Variants in THSD7B observed in about 807,000 individuals in gnomAD.
The protein encoded by THSD7B is thrombospondin type-1 domain-containing protein 7B.
THSD7B carries 138 observed loss-of-function variants against 213.6 expected under a neutral mutation model. The ratio of observed to expected loss-of-function variants is 0.65; its 90% CI spans 0.56 to 0.74. The LOEUF is 0.74. THSD7B is among the 30% of genes least tolerant of loss of function. The probability of loss-of-function intolerance (pLI) is 0.00; values close to 1 mark genes in which losing one functional copy is unlikely to be tolerated. For synonymous variants in THSD7B, 742 were observed against 687.0 expected, an observed-to-expected ratio of 1.08 and a Z score of -1.25; for missense variants, 1,931 against 1,991.5, an observed-to-expected ratio of 0.97 and a Z score of 0.58.
At chr2:136,974,933 C>A (rs532373833) in intron 2 of THSD7B, among the ~76,000 whole-genome samples, 47 of 152,126 alleles carry the variant, frequency 3.1e-4, no homozygotes, top group African/African-American at 1.1e-3. Context: ...TTTTGATTTA[C>A]ATTTCTCTAA....
At chr2:137,535,872 G>C (rs564917690) in intron 15 of THSD7B, among the ~76,000 whole-genome samples, 1 of 151,518 alleles carries the variant, frequency 6.6e-6, no homozygotes, top group Admixed American at 6.6e-5. Flanking sequence ...TATTATCAGT[G>C]GGGGGAACAG....
intron 12 of THSD7B, among the ~76,000 whole-genome samples, chr2:137,314,287 A>G (rs889447594): frequency 1.3e-5 from 2 of 152,112 alleles, no homozygotes; most frequent in Non-Finnish European, 2.9e-5. Context: ...CCTGTCTTCC[A>G]GTTGATCACA....
chr2:136,800,863 T>C (rs1390553696), intron 1 of THSD7B, among the ~76,000 whole-genome samples: 1 of 152,042 alleles, frequency 6.6e-6, no homozygotes, highest in African/African-American at 2.4e-5. Flanking sequence ...AGCACTTTTG[T>C]AGATCTTAGA....
chr2:136,966,792 C>T (rs1191712886), intron 2 of THSD7B, among the ~76,000 whole-genome samples: 2 of 152,156 alleles, frequency 1.3e-5, no homozygotes, highest in Non-Finnish European at 2.9e-5. Flanking sequence ...CCATGAAGCA[C>T]CTTCCCTGCC....
At chr2:137,087,577 A>G (rs769138374) in intron 3 of THSD7B, among the ~76,000 whole-genome samples, 2 of 152,168 alleles carry the variant, frequency 1.3e-5, no homozygotes, top group Non-Finnish European at 2.9e-5. Context: ...AAAACAAAAC[A>G]AAATAAAACT....
chr2:136,779,194 ATATATG>A (rs1188125645), intron 1 of THSD7B, among the ~76,000 whole-genome samples: 873 of 76,642 alleles, frequency 0.011, 8 homozygotes, highest in African/African-American at 0.041. Flanking sequence ...GGCTATATAT[ATATATG>A]TGTGTGTGTG....
chr2:137,647,704 C>G (rs141710492), intron 21 of THSD7B, among the ~76,000 whole-genome samples: 23 of 152,210 alleles, frequency 1.5e-4, no homozygotes, highest in Middle Eastern at 6.8e-3. Context: ...AGTGCCTCTC[C>G]TTTCTTTCCT....
At chr2:137,607,406 CT>C (rs928463187) in intron 17 of THSD7B, among the ~76,000 whole-genome samples, 6 of 152,182 alleles carry the variant, frequency 3.9e-5, no homozygotes, top group Admixed American at 6.5e-5. Context: ...CATTTTATCC[CT>C]TAATATTGAT....
Position 136,770,612 on chromosome 2 carries a change from C to A in THSD7B, c.-36+4925C>A, listed in dbSNP as rs543928099. On this transcript the variant is annotated intron_variant, in intron 1 of 27. Coordinates refer to ENST00000409968, the MANE Select transcript of THSD7B (RefSeq NM_001316349.2). The stretch of plus-strand genomic sequence containing the variant: ...TCACCCACCTGGTATGGCAAAGAGG[C>A]CTTGGGACACACTCCAGTGATATTA... 2.4e-4 allele frequency among the ~76,000 whole-genome samples: 37 copies of A among 152,268 alleles called. No individual in the cohort carries two copies. The East Asian group carries it at 6.7e-3, about 28-fold the overall frequency.
At chr2:136,775,138 G>A (rs1681576324) in intron 1 of THSD7B, among the ~76,000 whole-genome samples, 1 of 152,070 alleles carries the variant, frequency 6.6e-6, no homozygotes, top group Non-Finnish European at 1.5e-5. Flanking sequence ...GTAAGTATGA[G>A]CTCCATAAAA....
rs11894466 is a variant in THSD7B, at chr2:137,358,738, A to G, written c.2501-46875A>G. ...GGTCAGATGCCATATCTTATACTTC[A>G]GATCCCCTTCAGTGCCAAACACAGT... On this transcript the variant is annotated intron_variant, in intron 12 of 27. Coordinates refer to ENST00000409968, the MANE Select transcript of THSD7B (RefSeq NM_001316349.2). Among the ~76,000 whole-genome samples the G allele has an allele frequency of 9.8e-3, 1,486 of 152,290 alleles. 30 individuals are homozygous for G. The highest frequency in any genetic ancestry group is 0.035 in the African/African-American group (1,436 of 41,564).
rs191287302 is a variant in THSD7B, at chr2:137,132,223, T to C, written c.1369+16930T>C. Among the ~76,000 whole-genome samples the C allele has an allele frequency of 9.4e-4, 143 of 151,512 alleles. No individual in the cohort carries two copies. The East Asian group carries it at 0.021, about 22-fold the overall frequency. On this transcript the variant is annotated intron_variant, in intron 5 of 27. Transcript: ENST00000409968. ...TAAGTATGCTTGTGATTTTTGTACA[T>C]TGATTTTGTTTCCTGAGACTTTGCT...
chr2:136,991,359 GAAATT>G (rs1323081635), intron 2 of THSD7B, among the ~76,000 whole-genome samples: 6 of 152,036 alleles, frequency 3.9e-5, no homozygotes, highest in South Asian at 4.1e-4. Flanking sequence ...AATAGAGTAA[GAAATT>G]AAATAAAAAT....
At chr2:136,782,476 A>C (rs1051719652) in intron 1 of THSD7B, among the ~76,000 whole-genome samples, 1 of 152,082 alleles carries the variant, frequency 6.6e-6, no homozygotes. Flanking sequence ...CCCTTCATTG[A>C]ACCACTTGGC....
chr2:137,049,922 C>T (rs562425524), intron 2 of THSD7B, among the ~76,000 whole-genome samples: 2 of 152,284 alleles, frequency 1.3e-5, no homozygotes, highest in East Asian at 1.9e-4. Context: ...CTTATTCTTC[C>T]CTTGCAGTCT....
At chr2:137,307,275 T>G (rs1236527669) in intron 12 of THSD7B, among the ~76,000 whole-genome samples, 1 of 152,062 alleles carries the variant, frequency 6.6e-6, no homozygotes, top group African/African-American at 2.4e-5. Flanking sequence ...GTGCTACTAG[T>G]AGAACTGTGA....
intron 12 of THSD7B, among the ~76,000 whole-genome samples, chr2:137,391,266 T>C (rs1295766382): frequency 6.6e-6 from 1 of 152,218 alleles, no homozygotes; most frequent in African/African-American, 2.4e-5. Flanking sequence ...CTTAATAGTC[T>C]CTGTTGATCT....
chr2:137,023,563 C>G (rs1395224328), intron 2 of THSD7B, among the ~76,000 whole-genome samples: 1 of 152,158 alleles, frequency 6.6e-6, no homozygotes, highest in East Asian at 1.9e-4. Flanking sequence ...TTTGAGCTAG[C>G]CTGGTGGCCA....
chr2:136,886,020 A>G (rs769097826), intron 2 of THSD7B, among the ~76,000 whole-genome samples: 7 of 152,060 alleles, frequency 4.6e-5, no homozygotes, highest in Non-Finnish European at 1.0e-4. Context: ...GGTGAAGAAG[A>G]ACATCCCAGA....
Sources: allele counts gnomAD v4.1 joint callset (sites outside exome capture counted in the v4.1 genomes callset), GRCh38; gene constraint gnomAD v4.1.1; transcripts MANE v1.5; gene names NCBI Gene and HGNC (gene_info 2026-07-23, HGNC 2026-07-21).